Variants in TLE2 observed in about 807,000 individuals in gnomAD.
The protein encoded by TLE2 is TLE family member 2, transcriptional corepressor, also known as transducin-like enhancer protein 2.
In TLE2, 74 loss-of-function variants were observed where a neutral mutation model predicts 97.2. That is an observed-to-expected ratio of 0.76 (90% CI 0.63 to 0.92). The LOEUF (loss-of-function observed/expected upper bound fraction) is 0.92, where lower values mean the gene tolerates loss of function less well. Among genes scored for constraint, TLE2 ranks in the 40% least tolerant of loss-of-function variants. The pLI is 0.00. For synonymous variants in TLE2, 499 were observed against 432.1 expected (o/e 1.15, Z -1.92); for missense variants, 1,038 against 1,008.7 (o/e 1.03, Z -0.39).
upstream of TLE2, chr19:3,047,508 A>AC (rs71179949): frequency 0.07 from 10,084 of 144,712 alleles, 481 homozygotes; most frequent in East Asian, 0.19. Flanking sequence ...CGGGCTTGTG[A>AC]CCCCCCCCCA....
At chr19:3,036,104 C>T (rs778263322) in intron 1 of TLE2, among the ~76,000 whole-genome samples, 3 of 152,090 alleles carry the variant, frequency 2.0e-5, no homozygotes, top group Non-Finnish European at 2.9e-5. Flanking sequence ...GAAGCTCTTA[C>T]CCGAGCCTGG....
intron 17 of TLE2, 101 bp downstream of exon 17, chr19:3,005,336 C>T (rs2089450149): frequency 4.8e-6 from 7 of 1,455,128 alleles, no homozygotes; most frequent in Non-Finnish European, 6.4e-6. Flanking sequence ...AGATGGGAGT[C>T]CTGTCCTGTC....
At chr19:3,034,152 C>T (rs1599252639), upstream of TLE2, among the ~76,000 whole-genome samples, 7 of 151,980 alleles carry the variant, frequency 4.6e-5, no homozygotes, top group South Asian at 1.5e-3. Flanking sequence ...ATACTCTAAA[C>T]CAGAGCATCA....
Position 3,019,332 on chromosome 19 carries a change from C to T in TLE2, c.501G>A (p.Ala167=), listed in dbSNP as rs371772668. Residue 167 remains alanine (A), a synonymous_variant, in exon 7 of 20, where the codon GCG becomes GCA. Transcript: ENST00000262953. The surrounding 1 kb of genome is among the most constrained non-coding windows in gnomAD (Gnocchi z 5.1). ...CCGCACGGTCCTCCTTGACAGCCGC[C>T]GCCAGCTGAGCCTGGGCAGCCAGGG... The part of the protein sequence containing the change: ...SGALAAQAQL[A]AAVKEDRAGV... 2.0e-5 allele frequency: 32 copies of T among 1,573,106 alleles called. No homozygotes were observed. The highest frequency in any genetic ancestry group is 5.8e-5 in the South Asian group (5 of 86,602).
At chr19:3,014,649 C>T (rs1844880) in intron 9 of TLE2, 35 bp from the exon 10 acceptor site, 1 of 1,557,220 alleles carries the variant, frequency 6.4e-7, no homozygotes. Context: ...TCATTGTGGT[C>T]ATGCCCCTGC....
intron 1 of TLE2, among the ~76,000 whole-genome samples, chr19:3,034,884 T>C (rs138060894): frequency 9.9e-5 from 15 of 152,038 alleles, no homozygotes; most frequent in African/African-American, 3.6e-4. Context: ...CCTCCCAGGG[T>C]CACATAGGGT....
intron 5 of TLE2, among the ~76,000 whole-genome samples, chr19:3,023,863 G>A (rs2163867): frequency 0.24 from 35,410 of 149,722 alleles, 4,689 homozygotes; most frequent in East Asian, 0.39. Flanking sequence ...CTGCACTCCA[G>A]CCTGGGTAAC....
At chr19:3,047,445 C>T (rs1301115567), upstream of TLE2, 1 of 149,690 alleles carries the variant, frequency 6.7e-6, no homozygotes, top group Non-Finnish European at 1.5e-5. Flanking sequence ...CAGGCCAGGC[C>T]GTGGCTGAGT....
chr19:3,002,982 A>AG (rs994093831), intron 17 of TLE2, among the ~76,000 whole-genome samples: 24 of 152,116 alleles, frequency 1.6e-4, no homozygotes, highest in African/African-American at 5.8e-4. Context: ...TACAGGTGTG[A>AG]GCCACCATGT....
chr19:3,011,313 A>G (rs559875765), intron 11 of TLE2, among the ~76,000 whole-genome samples, 153 bp from the exon 12 acceptor site: 1 of 152,192 alleles, frequency 6.6e-6, no homozygotes, highest in South Asian at 2.1e-4. Flanking sequence ...GGATCACCTG[A>G]GGTCAGGAGT....
intron 15 of TLE2, 68 bp downstream of exon 15, chr19:3,006,352 C>A (rs113398377): frequency 1.1e-5 from 17 of 1,558,426 alleles, no homozygotes; most frequent in Admixed American, 1.0e-4. Context: ...CTGCGAACAC[C>A]GCCCCATTGG....
intron 1 of TLE2, among the ~76,000 whole-genome samples, chr19:3,042,125 C>T (rs1158164655): frequency 6.9e-6 from 1 of 145,580 alleles, no homozygotes; most frequent in African/African-American, 2.6e-5. Flanking sequence ...CGCCCCTCCC[C>T]GGGACCCGAG....
intron 9 of TLE2, 54 bp downstream of exon 9, chr19:3,015,599 A>G: frequency 3.5e-6 from 5 of 1,444,624 alleles, no homozygotes; most frequent in South Asian, 1.2e-5. Context: ...CTGAGGGGCC[A>G]GGCTGGTCTG....
At chr19:3,043,046 C>G (rs1399568669) in intron 1 of TLE2, among the ~76,000 whole-genome samples, 2 of 152,170 alleles carry the variant, frequency 1.3e-5, no homozygotes, top group Non-Finnish European at 2.9e-5. Context: ...TCTCAAGCTC[C>G]TGGCCTCAAA....
In TLE2 at chr19:3,016,029, C is replaced by T. The variant is rs184141676; in HGVS notation, c.571-269G>A. The T allele has an allele frequency of 2.0e-4, 105 of 533,082 alleles. 1 individual carries two copies. The highest frequency in any genetic ancestry group is 6.2e-4 in the African/African-American group (33 of 52,978). 33.0% of individuals were successfully genotyped at this position (533,082 alleles called of 1,614,324 possible). A position where few individuals can be genotyped will look rare whatever the true frequency, so the allele number is the denominator to read the frequency against. On this transcript the variant is annotated intron_variant, in intron 8 of 19. Transcript: ENST00000262953. ...TCGGCCCACTGAGACCCCCGCCTCCCGGGTTCAAGCGATCCTCCTGCCTCA... is the reference window on the plus strand; with the variant it reads ...TCGGCCCACTGAGACCCCCGCCTCCTGGGTTCAAGCGATCCTCCTGCCTCA...
At chr19:3,030,950 C>CAA (rs60265159), upstream of TLE2, among the ~76,000 whole-genome samples, 6,287 of 112,738 alleles carry the variant, frequency 0.056, 239 homozygotes, top group Non-Finnish European at 0.079. Flanking sequence ...GACCTTGTCT[C>CAA]AAAAAAAAAA....
rs1358062768 is a variant in TLE2 at position 3,019,602 on chromosome 19, C to G, written c.369+97G>C. The G allele has an allele frequency of 6.5e-7, 1 of 1,528,574 alleles. No homozygotes were observed. Among genetic ancestry groups the G allele is most frequent in the Admixed American group, 2.0e-5 (1 of 49,684 alleles). The allele number at this position is 1,528,574 out of a possible 1,614,324, so 94.7% of individuals were successfully genotyped here. ...GTTCCCAGGACCACTGGAGCCAAGG[C>G]CCACACACCACCCCAGCTTTAACAC... On this transcript the variant is annotated intron_variant, in intron 6 of 19. Transcript: ENST00000262953. The surrounding 1 kb of genome is among the most constrained non-coding windows in gnomAD (Gnocchi z 5.1).
chr19:3,039,054 T>A lies in TLE2; in HGVS notation c.63+6672A>T, dbSNP rs374509274. On this transcript the variant is annotated intron_variant, in intron 1 of 18. Coordinates refer to the TLE2 transcript ENST00000426948. ...GCAAAACCACGACTCAAAAAAAAAA[T>A]AAAAATTAAAAAAAAAAAATTAGCT... Among the ~76,000 whole-genome samples, 42 of 102,618 alleles carry A rather than the reference T, an allele frequency of 4.1e-4. 1 individual carries two copies. Among genetic ancestry groups the A allele is most frequent in the East Asian group, 1.6e-3 (7 of 4,290 alleles). 67.3% of individuals were successfully genotyped at this position (102,618 alleles called of 152,430 possible).
chr19:3,000,319 C>A (rs2089327692), intron 19 of TLE2, among the ~76,000 whole-genome samples: 1 of 152,080 alleles, frequency 6.6e-6, no homozygotes, highest in East Asian at 2.0e-4. Context: ...TCGTGATCCG[C>A]CTGCCTCAGC....
Sources: allele counts gnomAD v4.1 joint callset (sites outside exome capture counted in the v4.1 genomes callset), GRCh38; gene constraint gnomAD v4.1.1; non-coding constraint Gnocchi (gnomAD v3.1); transcripts MANE v1.5; gene names NCBI Gene and HGNC (gene_info 2026-07-23, HGNC 2026-07-21).